Variants in PBX1 observed in about 807,000 individuals in gnomAD.
PBX1 encodes PBX homeobox 1.
A neutral mutation model predicts 53.4 loss-of-function variants in PBX1; 6 were observed. The ratio of observed to expected loss-of-function variants is 0.11; its 90% confidence interval spans 0.06 to 0.22. PBX1 has a LOEUF of 0.22. Ranked by LOEUF, PBX1 falls within the 10% of genes least tolerant of loss-of-function variation. PBX1 has a pLI of 1.00. For synonymous variants in PBX1, 204 were observed against 212.3 expected (o/e 0.96, Z 0.34); for missense variants, 251 against 551.4 (o/e 0.46, Z 5.46).
At chr1:164,634,407 A>G (rs1658608784) in intron 2 of PBX1, among the ~76,000 whole-genome samples, 1 of 152,098 alleles carries the variant, frequency 6.6e-6, no homozygotes, top group South Asian at 2.1e-4. Flanking sequence ...AAAACTTATC[A>G]TTTTCCTGGT....
intron 2 of PBX1, among the ~76,000 whole-genome samples, chr1:164,782,207 G>C (rs1232219543): frequency 2.6e-5 from 4 of 152,188 alleles, no homozygotes; most frequent in Admixed American, 6.5e-5. Context: ...CGGGGGATGG[G>C]GGAGCTGCAG....
At chr1:164,736,975 A>G (rs974679661) in intron 2 of PBX1, among the ~76,000 whole-genome samples, 5 of 152,228 alleles carry the variant, frequency 3.3e-5, no homozygotes, top group Non-Finnish European at 5.9e-5. Context: ...AGTCCTTTCT[A>G]TAGGTATTCA....
intron 2 of PBX1, among the ~76,000 whole-genome samples, chr1:164,653,696 G>C (rs945153052): frequency 5.9e-5 from 9 of 152,154 alleles, no homozygotes; most frequent in Non-Finnish European, 1.2e-4. Flanking sequence ...CTTGAACCGG[G>C]GAAGCGGAGG....
At chr1:164,853,209 G>A (rs945714915), downstream of PBX1, among the ~76,000 whole-genome samples, 35 of 152,196 alleles carry the variant, frequency 2.3e-4, no homozygotes, top group South Asian at 6.4e-3. Flanking sequence ...AGGCCCACCC[G>A]CTTCTTGAAA....
rs888855771 is a variant in PBX1 at position 164,752,202 on chromosome 1, G to T, written c.266-40292G>T. ...AATGTGTCCATTTAGACCCCTTTAA[G>T]GTTTTGTGTGTGTGTGTGTGTGTGT... On this transcript the variant is annotated intron_variant, in intron 2 of 8. Transcript: ENST00000420696. 2.2e-3 allele frequency among the ~76,000 whole-genome samples: 247 copies of T among 112,804 alleles called. 1 individual carries two copies. Among genetic ancestry groups the T allele is most frequent in the Non-Finnish European group, 4.0e-3 (220 of 55,354 alleles). The allele number at this position is 112,804 out of a possible 152,430, so 74.0% of individuals were successfully genotyped here. A position where few individuals can be genotyped will look rare whatever the true frequency, so the allele number is the denominator to read the frequency against.
At chr1:164,635,629 C>T (rs947183350) in intron 2 of PBX1, among the ~76,000 whole-genome samples, 2 of 152,216 alleles carry the variant, frequency 1.3e-5, no homozygotes, top group African/African-American at 2.4e-5. Flanking sequence ...TCCAGCCTCG[C>T]CATATATCAC....
intron 2 of PBX1, among the ~76,000 whole-genome samples, chr1:164,758,575 C>T (rs1420037740): frequency 6.6e-6 from 1 of 152,164 alleles, no homozygotes; most frequent in East Asian, 1.9e-4. Context: ...GCCCTCACTG[C>T]CTTCTTACCC....
chr1:164,862,916 G>C (rs1672133067), intron 2 of PBX1, among the ~76,000 whole-genome samples: 2 of 152,228 alleles, frequency 1.3e-5, no homozygotes, highest in Admixed American at 1.3e-4. Context: ...ATGCAAAGCT[G>C]TCTCTCTGGA....
intron 2 of PBX1, among the ~76,000 whole-genome samples, chr1:164,749,600 A>C (rs760879712): frequency 2.6e-5 from 4 of 152,162 alleles, no homozygotes; most frequent in Non-Finnish European, 4.4e-5. Context: ...TGATTAACCC[A>C]CTGTTATTAG....
In PBX1 at chr1:164,631,518, G is replaced by A. The variant is rs1007052729; in HGVS notation, c.265+68207G>A. Among the ~76,000 whole-genome samples the A allele has an allele frequency of 2.6e-5, 4 of 152,172 alleles. No individual in the cohort carries two copies. The East Asian group carries it at 7.7e-4, about 29-fold the overall frequency. On this transcript the variant is annotated intron_variant, in intron 2 of 8. Transcript: ENST00000420696. The stretch of plus-strand genomic sequence containing the variant: ...ACAAAGCATAAATAATCCACATGGA[G>A]AGTGACAAGTCCACTTACTTAATTC...
rs1656972898 is a variant in PBX1, at chr1:164,612,097, CA to C, written c.265+48787del. ...ATTTTTGCTGAAATGAACCATGGCA[CA>C]GTATAATATATGGGCTCCTAGTTCA... is the stretch of plus-strand genomic sequence containing the variant. On this transcript the variant is annotated intron_variant, in intron 2 of 8. Coordinates refer to ENST00000420696, the MANE Select transcript of PBX1 (RefSeq NM_002585.4). Among the ~76,000 whole-genome samples the C allele has an allele frequency of 3.3e-5, 5 of 152,086 alleles. No individual in the cohort carries two copies. In the South Asian group the frequency reaches 1.0e-3, roughly 32 times the overall value.
chr1:164,773,236 A>AACACACACACACAC (rs1193168258), intron 2 of PBX1, among the ~76,000 whole-genome samples: 1 of 48,010 alleles, frequency 2.1e-5, no homozygotes, highest in Non-Finnish European at 4.1e-5. Context: ...GCATATAGGT[A>AACACACACACACAC]ACACGCGCAC....
In PBX1 at chr1:164,618,305, G is replaced by T. The variant is rs547347226; in HGVS notation, c.265+54994G>T. On this transcript the variant is annotated intron_variant, in intron 2 of 8. Transcript: ENST00000420696. ...AGGGAGAATAATCACGGCGGGGGGG[G>T]GGGGGCACTCAAGATGATCAGCACT... is the stretch of plus-strand genomic sequence containing the variant. Among the ~76,000 whole-genome samples, 110 of 150,952 alleles carry T rather than the reference G, an allele frequency of 7.3e-4. 6 individuals carry two copies. The highest frequency in any genetic ancestry group is 2.5e-3 in the African/African-American group (103 of 41,156).
At chr1:164,856,617 G>A (rs995550517), downstream of PBX1, among the ~76,000 whole-genome samples, 1 of 151,996 alleles carries the variant, frequency 6.6e-6, no homozygotes, top group Non-Finnish European at 1.5e-5. Context: ...GTGTGTTTCC[G>A]CCCTCCCAGG....
At chr1:164,767,562 G>A (rs903778380) in intron 2 of PBX1, among the ~76,000 whole-genome samples, 1 of 151,750 alleles carries the variant, frequency 6.6e-6, no homozygotes. Flanking sequence ...AGTTGCACAA[G>A]GAAAAATATC....
intron 2 of PBX1, among the ~76,000 whole-genome samples, chr1:164,677,506 G>A (rs1661503307): frequency 6.6e-6 from 1 of 152,112 alleles, no homozygotes; most frequent in Non-Finnish European, 1.5e-5. Flanking sequence ...GGAACTTCTA[G>A]TGTTCAGAAG....
chr1:164,680,984 C>T (rs2101996289), intron 2 of PBX1, among the ~76,000 whole-genome samples: 1 of 152,246 alleles, frequency 6.6e-6, no homozygotes, highest in Non-Finnish European at 1.5e-5. Context: ...CCTTTCCTGG[C>T]CAGGAATGGT....
chr1:164,572,843 G>C (rs1423463236), intron 2 of PBX1, among the ~76,000 whole-genome samples: 1 of 152,094 alleles, frequency 6.6e-6, no homozygotes, highest in Admixed American at 6.5e-5. Context: ...CATCAGTTTG[G>C]CCTTGTCGGT....
intron 2 of PBX1, among the ~76,000 whole-genome samples, chr1:164,578,154 T>A (rs976950427): frequency 6.6e-6 from 1 of 152,190 alleles, no homozygotes; most frequent in Admixed American, 6.5e-5. Context: ...GGTATAAGTA[T>A]GCAAAGATTG....
Sources: allele counts gnomAD v4.1 joint callset (sites outside exome capture counted in the v4.1 genomes callset), GRCh38; gene constraint gnomAD v4.1.1; transcripts MANE v1.5; gene names NCBI Gene and HGNC (gene_info 2026-07-23, HGNC 2026-07-21).